The following EXOC4 variants were observed in gnomAD, a reference collection of about 807,000 sequenced individuals.
EXOC4 encodes exocyst complex component 4.
In EXOC4, 71 loss-of-function variants were observed where a neutral mutation model predicts 107.2. The ratio of observed to expected loss-of-function variants is 0.66; its 90% CI spans 0.55 to 0.81. The LOEUF is 0.81. Among genes scored for constraint, EXOC4 ranks in the 30% least tolerant of loss-of-function variants. The pLI is 0.00. For missense variants in EXOC4, 1,108 were observed against 1,189.6 expected (o/e 0.93, Z 1.01); for synonymous variants, 456 against 441.2 (o/e 1.03, Z -0.42).
chr7:133,260,378 A>G (rs558913094), intron 1 of EXOC4, among the ~76,000 whole-genome samples: 1 of 152,148 alleles, frequency 6.6e-6, no homozygotes, highest in East Asian at 1.9e-4. Flanking sequence ...GGTTCAAACA[A>G]TTCTCCTGCT....
In EXOC4 at chr7:133,356,465, T is replaced by C. The variant is rs140636237; in HGVS notation, c.899T>C (p.Ile300Thr). 18 of 1,614,036 alleles carry C rather than the reference T, an allele frequency of 1.1e-5. No individual in the cohort carries two copies. The African/African-American group carries it at 1.7e-4, about 16-fold the overall frequency. Residue 300 changes from isoleucine (I) to threonine (T), a missense_variant, in exon 6 of 18, where the codon ATA (isoleucine) becomes ACA (threonine). Coordinates refer to ENST00000253861, the MANE Select transcript of EXOC4 (RefSeq NM_021807.4). ...KKIPETVKAI[I>T]ERLEQELKQI... is the part of the protein sequence containing the mutation. ...ATCCCAGAAACAGTTAAGGCAATCATAGAGCGCTTGGAGCAGGAGTTGAAG... is the reference window on the plus strand; with the variant it reads ...ATCCCAGAAACAGTTAAGGCAATCACAGAGCGCTTGGAGCAGGAGTTGAAG...
At chr7:133,934,282 A>T (rs1204983709) in intron 13 of EXOC4, among the ~76,000 whole-genome samples, 1 of 152,172 alleles carries the variant, frequency 6.6e-6, no homozygotes, top group Non-Finnish European at 1.5e-5. Flanking sequence ...GACACACACA[A>T]ATCCTCGAAG....
At chr7:133,670,572 C>G (rs1793923949) in intron 10 of EXOC4, among the ~76,000 whole-genome samples, 1 of 151,008 alleles carries the variant, frequency 6.6e-6, no homozygotes, top group Admixed American at 6.6e-5. Context: ...GAAACTCTTT[C>G]CTAGATGCGC....
chr7:133,488,421 T>C (rs191511058), intron 9 of EXOC4, among the ~76,000 whole-genome samples: 1 of 152,220 alleles, frequency 6.6e-6, no homozygotes, highest in East Asian at 1.9e-4. Context: ...TCACTTCATC[T>C]TTTTCTTTTT....
At chr7:133,922,438 GCTT>G (rs1278040724) in intron 13 of EXOC4, among the ~76,000 whole-genome samples, 2 of 151,774 alleles carry the variant, frequency 1.3e-5, no homozygotes, top group South Asian at 2.1e-4. Context: ...TTTATGACTG[GCTT>G]CTTATTTTCC....
chr7:133,921,850 T>C (rs1799943767), intron 13 of EXOC4, among the ~76,000 whole-genome samples: 1 of 152,180 alleles, frequency 6.6e-6, no homozygotes, highest in Non-Finnish European at 1.5e-5. Flanking sequence ...AACTGTCTTA[T>C]AGTTCTTGGA....
At chr7:133,815,990 G>T (rs1432082547) in intron 10 of EXOC4, among the ~76,000 whole-genome samples, 1 of 152,184 alleles carries the variant, frequency 6.6e-6, no homozygotes, top group African/African-American at 2.4e-5. Context: ...GGACAGGGAG[G>T]CACCACAGCT....
chr7:134,100,186 A>C, the EXOC4 span, among the ~76,000 whole-genome samples: 2 of 152,028 alleles, frequency 1.3e-5, no homozygotes, highest in African/African-American at 4.8e-5. Context: ...TCTCTCCTAC[A>C]GGGGGAAATT....
intron 9 of EXOC4, among the ~76,000 whole-genome samples, chr7:133,515,479 AAGAG>A (rs932710563): frequency 3.3e-5 from 5 of 151,860 alleles, no homozygotes; most frequent in Non-Finnish European, 7.4e-5. Flanking sequence ...GTGAGAGAGA[AAGAG>A]AGAGAGAGAC....
intron 9 of EXOC4, among the ~76,000 whole-genome samples, chr7:133,510,022 A>G (rs1441805699): frequency 4.6e-5 from 7 of 152,200 alleles, no homozygotes; most frequent in African/African-American, 1.7e-4. Flanking sequence ...CTGCTTTTAA[A>G]TTTACAATTC....
At chr7:133,502,060 C>T (rs1040685827) in intron 9 of EXOC4, among the ~76,000 whole-genome samples, 4 of 151,930 alleles carry the variant, frequency 2.6e-5, no homozygotes, top group Admixed American at 6.6e-5. Flanking sequence ...AATTAACACT[C>T]GAGGAAGCTT....
chr7:133,370,010 G>A (rs1796336418), intron 6 of EXOC4, among the ~76,000 whole-genome samples: 1 of 151,962 alleles, frequency 6.6e-6, no homozygotes, highest in Admixed American at 6.6e-5. Context: ...CTCCATGTTG[G>A]TCAGGCTCCC....
chr7:133,579,175 A>T (rs938158695), intron 9 of EXOC4, among the ~76,000 whole-genome samples: 4 of 152,306 alleles, frequency 2.6e-5, no homozygotes, highest in African/African-American at 9.6e-5. Flanking sequence ...CTGATACTTT[A>T]GTTTTAGGTC....
At chr7:133,667,385 A>G (rs916079560) in intron 10 of EXOC4, among the ~76,000 whole-genome samples, 5 of 152,332 alleles carry the variant, frequency 3.3e-5, no homozygotes, top group South Asian at 2.1e-4. Flanking sequence ...CCAACACCTC[A>G]GTGAGTATAG....
At chr7:133,606,683 T>A (rs943913522) in intron 9 of EXOC4, among the ~76,000 whole-genome samples, 1 of 151,720 alleles carries the variant, frequency 6.6e-6, no homozygotes, top group Non-Finnish European at 1.5e-5. Context: ...CCTGGCTAAT[T>A]TTTTGTATTT....
At chr7:133,867,674 T>G (rs184348439) in intron 11 of EXOC4, among the ~76,000 whole-genome samples, 37 of 152,190 alleles carry the variant, frequency 2.4e-4, no homozygotes, top group South Asian at 2.1e-4. Flanking sequence ...TCCTGCCACA[T>G]TGACTTAAAT....
At chr7:133,278,260 C>A (rs1165990308) in intron 2 of EXOC4, among the ~76,000 whole-genome samples, 1 of 152,134 alleles carries the variant, frequency 6.6e-6, no homozygotes, top group Non-Finnish European at 1.5e-5. Context: ...GAGGATTGTT[C>A]TAGATTTTCA....
chr7:133,754,474 A>G (rs1476745563), intron 10 of EXOC4, among the ~76,000 whole-genome samples: 1 of 152,088 alleles, frequency 6.6e-6, no homozygotes, highest in Non-Finnish European at 1.5e-5. Context: ...TCAGTAGTGG[A>G]ACTATGGAGG....
chr7:133,448,903 G>A (rs1206629266), intron 7 of EXOC4, among the ~76,000 whole-genome samples: 3 of 152,022 alleles, frequency 2.0e-5, no homozygotes, highest in Non-Finnish European at 4.4e-5. Flanking sequence ...TCAAGAGTTC[G>A]AGACCAGCCT....
Sources: gnomAD v4.1 joint callset for allele counts (sites outside exome capture counted in the v4.1 genomes callset) on GRCh38, gnomAD v4.1.1 for gene constraint, MANE v1.5 for transcripts, NCBI Gene and HGNC (gene_info 2026-07-23, HGNC 2026-07-21) for gene names.